The following BOK variants were observed in gnomAD, a reference collection of about 807,000 sequenced individuals.
BOK encodes BCL2 family apoptosis regulator BOK, also known as bcl-2-related ovarian killer protein.
A neutral mutation model predicts 18.3 loss-of-function variants in BOK; 20 were observed. That is an observed-to-expected ratio of 1.09 (90% CI 0.77 to 1.59). BOK has a LOEUF of 1.59. BOK is among the 40% of genes most tolerant of loss of function. The pLI, the probability that BOK is intolerant of heterozygous loss-of-function variation, is 0.00. For synonymous variants in BOK, 173 were observed against 142.4 expected (o/e 1.21, Z -1.53); for missense variants, 348 against 307.9 (o/e 1.13, Z -0.97).
intron 2 of BOK, among the ~76,000 whole-genome samples, chr2:241,561,866 T>C (rs1302202027): frequency 1.3e-5 from 2 of 152,202 alleles, no homozygotes; most frequent in African/African-American, 4.8e-5. Flanking sequence ...TGTCCCCTGC[T>C]CTCACCCCAA....
chr2:241,562,831 C>A lies in BOK; in HGVS notation c.349+355C>A, dbSNP rs2066551975. Among the ~76,000 whole-genome samples, 1 of 152,200 alleles carries A rather than the reference C, an allele frequency of 6.6e-6. No individual in the cohort carries two copies. Among genetic ancestry groups the A allele is most frequent in the Admixed American group, 6.5e-5 (1 of 15,286 alleles). ...TTCCTGCAGGGGCCCCCGAGCGGGG[C>A]TTGGGCTTCTCACAGCATGGTGCTG... On this transcript the variant is annotated intron_variant, in intron 3 of 4. Coordinates refer to ENST00000318407, the MANE Select transcript of BOK (RefSeq NM_032515.5). The surrounding 1 kb of genome is among the most constrained non-coding windows in gnomAD (Gnocchi z 4.5).
At chr2:241,556,441 G>T (rs992943315), upstream of BOK, among the ~76,000 whole-genome samples, 1 of 152,122 alleles carries the variant, frequency 6.6e-6, no homozygotes, top group African/African-American at 2.4e-5. Flanking sequence ...ACAATTAGCC[G>T]GGCGTGGTGT....
Sources: gnomAD v4.1 joint callset for allele counts (sites outside exome capture counted in the v4.1 genomes callset) on GRCh38, gnomAD v4.1.1 for gene constraint, Gnocchi (gnomAD v3.1) non-coding constraint, MANE v1.5 for transcripts, NCBI Gene and HGNC (gene_info 2026-07-23, HGNC 2026-07-21) for gene names.